The following CNTNAP2 variants were observed in gnomAD, a reference collection of about 807,000 sequenced individuals.
CNTNAP2 encodes contactin-associated protein-like 2.
A neutral mutation model predicts 155.2 loss-of-function variants in CNTNAP2; 98 were observed. The ratio of observed to expected loss-of-function variants is 0.63; its 90% CI spans 0.54 to 0.75. The LOEUF (loss-of-function observed/expected upper bound fraction) is 0.75. Among genes scored for constraint, CNTNAP2 ranks in the 30% least tolerant of loss-of-function variants. The pLI is 0.00. For synonymous variants in CNTNAP2, 651 were observed against 631.2 expected (o/e 1.03, Z -0.47); for missense variants, 1,727 against 1,688.1 (o/e 1.02, Z -0.40).
At chr7:148,211,142 T>G (rs193161997) in intron 18 of CNTNAP2, among the ~76,000 whole-genome samples, 12 of 152,316 alleles carry the variant, frequency 7.9e-5, no homozygotes, top group Non-Finnish European at 1.8e-4. Context: ...ATGAGAGTGA[T>G]CATTCTGGGC....
intron 3 of CNTNAP2, among the ~76,000 whole-genome samples, chr7:147,000,691 C>A (rs1798404777): frequency 1.3e-5 from 2 of 152,078 alleles, no homozygotes. Flanking sequence ...CAGAGCCTGC[C>A]ACAATGCAGG....
At chr7:146,778,561 T>C (rs548574607) in intron 2 of CNTNAP2, among the ~76,000 whole-genome samples, 1 of 152,320 alleles carries the variant, frequency 6.6e-6, no homozygotes, top group Non-Finnish European at 1.5e-5. Flanking sequence ...GGCTTCCCAG[T>C]CTTGTGTCAT....
intron 3 of CNTNAP2, among the ~76,000 whole-genome samples, chr7:146,842,067 A>G (rs761793143): frequency 4.5e-4 from 68 of 151,882 alleles, no homozygotes; most frequent in Admixed American, 7.2e-4. Context: ...TTGTATTTTT[A>G]GTAGAGACAG....
intron 1 of CNTNAP2, among the ~76,000 whole-genome samples, chr7:146,158,735 G>A (rs1332715506): frequency 6.6e-6 from 1 of 152,056 alleles, no homozygotes; most frequent in Non-Finnish European, 1.5e-5. Context: ...AAGAAATATG[G>A]GACTATGTGA....
chr7:147,011,444 A>AAAAAAAAAAAAG (rs1554424732), intron 3 of CNTNAP2, among the ~76,000 whole-genome samples: 1 of 127,710 alleles, frequency 7.8e-6, no homozygotes. Flanking sequence ...AAAAAAAAAA[A>AAAAAAAAAAAAG]GGAACAAGGT....
At chr7:147,628,114 A>G (rs755377428) in intron 12 of CNTNAP2, among the ~76,000 whole-genome samples, 10 of 152,180 alleles carry the variant, frequency 6.6e-5, no homozygotes, top group South Asian at 4.1e-4. Context: ...AGATACCCAA[A>G]TACAAGAAGC....
intron 1 of CNTNAP2, among the ~76,000 whole-genome samples, chr7:146,181,424 AT>A (rs1798547643): frequency 6.6e-6 from 1 of 152,150 alleles, no homozygotes; most frequent in Non-Finnish European, 1.5e-5. Context: ...TTTTATTATT[AT>A]TTCTAATAAG....
chr7:147,240,807 T>C (rs1584813230), intron 8 of CNTNAP2, among the ~76,000 whole-genome samples: 1 of 152,328 alleles, frequency 6.6e-6, no homozygotes, highest in South Asian at 2.1e-4. Context: ...ACTGAAGATA[T>C]ATATAAAAAT....
chr7:147,135,995 A>T (rs1801470031), intron 8 of CNTNAP2, among the ~76,000 whole-genome samples: 1 of 151,816 alleles, frequency 6.6e-6, no homozygotes. Context: ...GTAGTAAAAA[A>T]GCATTAATGT....
chr7:148,006,316 CTTTT>C (rs68011639), intron 15 of CNTNAP2, among the ~76,000 whole-genome samples: 1 of 118,980 alleles, frequency 8.4e-6, no homozygotes, highest in Non-Finnish European at 1.8e-5. Context: ...ATAGGAAGTT[CTTTT>C]TTTTTTTTTT....
At chr7:146,425,048 T>C (rs1000816105) in intron 1 of CNTNAP2, among the ~76,000 whole-genome samples, 1 of 152,154 alleles carries the variant, frequency 6.6e-6, no homozygotes, top group Non-Finnish European at 1.5e-5. Flanking sequence ...GCAGGGGAAA[T>C]GTGATAGATC....
At chr7:148,008,110 T>C (rs1013001698) in intron 15 of CNTNAP2, among the ~76,000 whole-genome samples, 1 of 151,950 alleles carries the variant, frequency 6.6e-6, no homozygotes, top group Non-Finnish European at 1.5e-5. Context: ...ATGCCTGTAG[T>C]CTCAGCACTT....
At chr7:146,649,901 C>T (rs1443207585) in intron 1 of CNTNAP2, among the ~76,000 whole-genome samples, 1 of 151,858 alleles carries the variant, frequency 6.6e-6, no homozygotes, top group Non-Finnish European at 1.5e-5. Context: ...GGCCAATAAA[C>T]ATATGAAAAA....
intron 17 of CNTNAP2, among the ~76,000 whole-genome samples, chr7:148,167,338 C>T (rs1349831934): frequency 2.0e-5 from 3 of 152,066 alleles, no homozygotes; most frequent in Non-Finnish European, 4.4e-5. Context: ...GGGATTTCAC[C>T]ATGCTGGCCA....
chr7:148,171,536 T>C (rs1805794147), intron 17 of CNTNAP2, among the ~76,000 whole-genome samples: 1 of 152,244 alleles, frequency 6.6e-6, no homozygotes, highest in African/African-American at 2.4e-5. Flanking sequence ...TTCATGCTCA[T>C]GAACCTCAGT....
intron 22 of CNTNAP2, among the ~76,000 whole-genome samples, chr7:148,399,205 T>C (rs146067836): frequency 1.5e-4 from 23 of 152,326 alleles, no homozygotes; most frequent in African/African-American, 4.8e-4. Flanking sequence ...TCCACCCTGA[T>C]CTGGCTGTAT....
chr7:147,502,338 C>A (rs1798830252), intron 11 of CNTNAP2, among the ~76,000 whole-genome samples: 2 of 152,192 alleles, frequency 1.3e-5, no homozygotes, highest in Non-Finnish European at 2.9e-5. Flanking sequence ...TCATTTGTGA[C>A]AACATGGCTA....
intron 19 of CNTNAP2, among the ~76,000 whole-genome samples, chr7:148,224,995 A>C (rs776532036): frequency 6.6e-6 from 1 of 152,218 alleles, no homozygotes; most frequent in Non-Finnish European, 1.5e-5. Context: ...GGGAACTACA[A>C]TTTAAGATGA....
chr7:147,678,693 A>C (rs1795904744), intron 13 of CNTNAP2, among the ~76,000 whole-genome samples: 1 of 151,956 alleles, frequency 6.6e-6, no homozygotes, highest in African/African-American at 2.4e-5. Context: ...TGTCTTCACA[A>C]CCACGAAAGC....
Sources: allele counts gnomAD v4.1 joint callset (sites outside exome capture counted in the v4.1 genomes callset), GRCh38; gene constraint gnomAD v4.1.1; transcripts MANE v1.5; gene names NCBI Gene and HGNC (gene_info 2026-07-23, HGNC 2026-07-21).